Variants in PITPNM2 observed in about 807,000 individuals in gnomAD.
The protein encoded by PITPNM2 is membrane-associated phosphatidylinositol transfer protein 2.
Under a neutral mutation model 132.2 loss-of-function variants are expected in PITPNM2, and 35 were observed. The observed-to-expected ratio is 0.26, with a 90% confidence interval of 0.20 to 0.35. The LOEUF is 0.35. Ranked by LOEUF, PITPNM2 falls within the 10% of genes least tolerant of loss-of-function variation. The pLI is 1.00. For synonymous variants in PITPNM2, 738 were observed against 799.2 expected, an observed-to-expected ratio of 0.92 and a Z score of 1.29; for missense variants, 1,332 against 1,912.0, an observed-to-expected ratio of 0.70 and a Z score of 5.66.
At chr12:123,093,114 G>C (rs1415542820) in intron 2 of PITPNM2, among the ~76,000 whole-genome samples, 1 of 152,128 alleles carries the variant, frequency 6.6e-6, no homozygotes, top group African/African-American at 2.4e-5. Flanking sequence ...GAAGAAACCA[G>C]ACACAAAATG....
At chr12:123,136,154 T>C (rs890592958) in intron 1 of PITPNM2, among the ~76,000 whole-genome samples, 8 of 151,838 alleles carry the variant, frequency 5.3e-5, no homozygotes, top group Non-Finnish European at 1.0e-4. Context: ...TACAAAAAAT[T>C]AGCCAGGTGT....
rs1241475149 is a variant in PITPNM2 at position 123,058,448 on chromosome 12, G to C, written c.-95-23763C>G. ...GAAATCCTCCTTCTAGAAACCATTA[G>C]AGGACATCTTCCCAATGCAGATGCA... On this transcript the variant is annotated intron_variant, in intron 2 of 25. Transcript: ENST00000320201. This position sits in a 1 kb window ranked among gnomAD's most constrained non-coding sequence, Gnocchi z 4.0. 6.6e-6 allele frequency among the ~76,000 whole-genome samples: 1 copy of C among 152,148 alleles called. No individual in the cohort carries two copies. Among genetic ancestry groups the C allele is most frequent in the Non-Finnish European group, 1.5e-5 (1 of 68,038 alleles).
At chr12:123,042,241 A>G (rs2040508020) in intron 2 of PITPNM2, among the ~76,000 whole-genome samples, 1 of 151,968 alleles carries the variant, frequency 6.6e-6, no homozygotes, top group Admixed American at 6.6e-5. Context: ...AAAGTGACAC[A>G]GAAAGAGCTT....
Position 123,005,588 on chromosome 12 carries a change from G to A in PITPNM2, c.644-40C>T. 6.3e-7 allele frequency: 1 copy of A among 1,588,774 alleles called. No individual in the cohort carries two copies. The highest frequency in any genetic ancestry group is 8.6e-7 in the Non-Finnish European group (1 of 1,166,126). On this transcript the variant is annotated intron_variant, in intron 6 of 25. Transcript: ENST00000320201. This position sits in a 1 kb window ranked among gnomAD's most constrained non-coding sequence, Gnocchi z 6.2. Reference sequence around the variant, plus strand: ...GATCAGAGAGGGAGAGACGAGGGGAGGGAGGTCAGCGCAGGAGCCTGCACG... The same window carrying A: ...GATCAGAGAGGGAGAGACGAGGGGAAGGAGGTCAGCGCAGGAGCCTGCACG...
chr12:123,135,514 C>T (rs2043359597), intron 1 of PITPNM2, among the ~76,000 whole-genome samples: 1 of 152,062 alleles, frequency 6.6e-6, no homozygotes, highest in African/African-American at 2.4e-5. Flanking sequence ...TTACTAACTC[C>T]CCATTGCTTC....
chr12:123,043,837 C>T (rs2040569320), intron 2 of PITPNM2, among the ~76,000 whole-genome samples: 1 of 152,240 alleles, frequency 6.6e-6, no homozygotes, highest in Non-Finnish European at 1.5e-5. Flanking sequence ...ACTCCTCCTC[C>T]CTGGCTGTGG....
chr12:123,080,363 C>T (rs1476115444), intron 2 of PITPNM2, among the ~76,000 whole-genome samples: 1 of 152,188 alleles, frequency 6.6e-6, no homozygotes, highest in African/African-American at 2.4e-5. Context: ...GAAATACAGG[C>T]CAGGGTCATG....
chr12:123,012,862 C>T, intron 4 of PITPNM2, 128 bp from the exon 5 acceptor site: 1 of 1,230,260 alleles, frequency 8.1e-7, no homozygotes. Context: ...TGGAGGGTAG[C>T]CGAGACTTGC....
intron 3 of PITPNM2, among the ~76,000 whole-genome samples, chr12:123,033,666 C>T (rs1201368644): frequency 6.6e-6 from 1 of 152,134 alleles, no homozygotes; most frequent in African/African-American, 2.4e-5. Flanking sequence ...CATCTCTGGG[C>T]CTCATACGCC....
At chr12:122,990,431 C>T in intron 17 of PITPNM2, 114 bp downstream of exon 17, 1 of 1,437,730 alleles carries the variant, frequency 7.0e-7, no homozygotes, top group Non-Finnish European at 9.4e-7. Context: ...GTGCCAGCAG[C>T]AGCCCTCCCT....
chr12:123,025,601 T>A (rs968199630), intron 3 of PITPNM2, among the ~76,000 whole-genome samples: 7 of 151,890 alleles, frequency 4.6e-5, no homozygotes, highest in Non-Finnish European at 2.9e-5. Flanking sequence ...CCTGGCTAAT[T>A]TTGTATTTTT....
chr12:123,103,972 C>T (rs1410733696), intron 2 of PITPNM2, among the ~76,000 whole-genome samples: 1 of 152,006 alleles, frequency 6.6e-6, no homozygotes, highest in Non-Finnish European at 1.5e-5. Context: ...AGTGCAGTGG[C>T]GTGATCTTGG....
At position 123,031,827 on chromosome 12, in the gene PITPNM2, C is replaced by T. The variant is rs142522894; in HGVS notation, c.78+2686G>A. On this transcript the variant is annotated intron_variant, in intron 3 of 25. Coordinates refer to ENST00000320201, the MANE Select transcript of PITPNM2 (RefSeq NM_020845.3). This position sits in a 1 kb window ranked among gnomAD's most constrained non-coding sequence, Gnocchi z 4.5. ...TAACAGGAAAGCAGACGTGTGCACA[C>T]ATGCTTGCTCACCCAGAAGGTGCAC... Among the ~76,000 whole-genome samples the T allele has an allele frequency of 3.9e-4, 60 of 152,330 alleles. No homozygotes were observed. Among genetic ancestry groups the T allele is most frequent in the African/African-American group, 1.4e-3 (58 of 41,560 alleles).
intron 1 of PITPNM2, among the ~76,000 whole-genome samples, chr12:123,133,602 G>A (rs559666962): frequency 1.3e-5 from 2 of 152,114 alleles, no homozygotes; most frequent in African/African-American, 2.4e-5. Flanking sequence ...AGACTGTTTC[G>A]ATCTCCCTTG....
intron 2 of PITPNM2, among the ~76,000 whole-genome samples, chr12:123,067,882 G>A (rs529934280): frequency 7.2e-5 from 11 of 152,326 alleles, no homozygotes; most frequent in Admixed American, 2.0e-4. Context: ...AACAGCCAAT[G>A]GGTCTCTTGG....
intron 2 of PITPNM2, among the ~76,000 whole-genome samples, chr12:123,043,463 AG>A (rs139708096): frequency 4.7e-4 from 71 of 152,218 alleles, no homozygotes; most frequent in African/African-American, 1.6e-3. Context: ...GGCAGTGAAG[AG>A]GGGGTCCCAG....
chr12:123,070,224 G>A (rs1356604588), intron 2 of PITPNM2, among the ~76,000 whole-genome samples: 1 of 152,204 alleles, frequency 6.6e-6, no homozygotes, highest in African/African-American at 2.4e-5. Flanking sequence ...CCACTGTGGG[G>A]AGCAGGGACT....
intron 2 of PITPNM2, chr12:123,087,502 G>T (rs2042145380): frequency 6.6e-6 from 1 of 152,130 alleles, no homozygotes; most frequent in Non-Finnish European, 1.5e-5. Flanking sequence ...CTCCCAAAGT[G>T]CTGGGATTAT....
intron 2 of PITPNM2, among the ~76,000 whole-genome samples, chr12:123,050,765 G>A (rs967711828): frequency 3.3e-5 from 5 of 152,186 alleles, no homozygotes; most frequent in African/African-American, 4.8e-5. Flanking sequence ...AGTTTCCCAG[G>A]TAACTGGCTC....
Sources: gnomAD v4.1 joint callset for allele counts (sites outside exome capture counted in the v4.1 genomes callset) on GRCh38, gnomAD v4.1.1 for gene constraint, Gnocchi (gnomAD v3.1) non-coding constraint, MANE v1.5 for transcripts, NCBI Gene and HGNC (gene_info 2026-07-23, HGNC 2026-07-21) for gene names.